LINGO3: variants seen among roughly 807,000 people sequenced by gnomAD.
The protein encoded by LINGO3 is leucine-rich repeat and immunoglobulin-like domain-containing nogo receptor-interacting protein 3.
For missense variants in LINGO3, 750 were observed against 867.7 expected, an observed-to-expected ratio of 0.86 and a Z score of 1.70; for synonymous variants, 427 against 444.2, an observed-to-expected ratio of 0.96 and a Z score of 0.49.
exon 1 of LINGO3, chr19:2,291,296 C>G (rs772516775): frequency 6.2e-7 from 1 of 1,612,690 alleles, no homozygotes; most frequent in Non-Finnish European, 8.5e-7. Context: ...AATACCAGGT[C>G]GTTGTCGCCC....
At chr19:2,295,697 C>T (rs181459942), upstream of LINGO3, among the ~76,000 whole-genome samples, 205 of 152,270 alleles carry the variant, frequency 1.3e-3, no homozygotes, top group Non-Finnish European at 2.5e-3. Context: ...GATTGTGCCA[C>T]TGCACTCCAG....
chr19:2,296,106 CTG>C (rs1291372538), upstream of LINGO3, among the ~76,000 whole-genome samples: 7 of 152,328 alleles, frequency 4.6e-5, no homozygotes, highest in Admixed American at 4.6e-4. Flanking sequence ...CCTCCCAGCA[CTG>C]TTTTTCTGGG....
the LINGO3 span, among the ~76,000 whole-genome samples, chr19:2,298,791 G>A: frequency 2.0e-4 from 31 of 152,104 alleles, no homozygotes; most frequent in African/African-American, 7.0e-4. Context: ...CGCCCACCTC[G>A]GCCTCTCAAA....
chr19:2,307,410 C>A, the LINGO3 span, among the ~76,000 whole-genome samples: 1 of 152,192 alleles, frequency 6.6e-6, no homozygotes, highest in South Asian at 2.1e-4. Flanking sequence ...TGCTGCTCCC[C>A]TAAACTTGTT....
exon 1 of LINGO3, chr19:2,289,791 G>C: frequency 1.9e-6 from 1 of 522,226 alleles, no homozygotes; most frequent in Non-Finnish European, 3.4e-6. Flanking sequence ...AAGACGGGTT[G>C]AAATCTTTAG....
upstream of LINGO3, chr19:2,292,100 A>T: frequency 2.8e-6 from 1 of 352,356 alleles, no homozygotes; most frequent in East Asian, 1.1e-4. Context: ...AGGCAGGAGG[A>T]TGGCTTGGGC....
chr19:2,292,443 T>C (rs117119458), upstream of LINGO3, among the ~76,000 whole-genome samples: 3,366 of 147,190 alleles, frequency 0.023, 50 homozygotes, highest in Middle Eastern at 0.089. Flanking sequence ...TGATCCACCG[T>C]GTGGCTGCAA....
At chr19:2,289,984 GC>G (rs2025501947) in exon 1 of LINGO3, 1 of 1,498,116 alleles carries the variant, frequency 6.7e-7, no homozygotes, top group Non-Finnish European at 8.9e-7. Flanking sequence ...GGGAGGGTCC[GC>G]CCTGGGGACC....
At chr19:2,296,030 G>A (rs527740035), upstream of LINGO3, among the ~76,000 whole-genome samples, 24 of 152,208 alleles carry the variant, frequency 1.6e-4, no homozygotes, top group African/African-American at 5.1e-4. Flanking sequence ...CCCCAACCCC[G>A]GAATCATCCT....
At chr19:2,291,308 C>A (rs745645019) in exon 1 of LINGO3, 1 of 1,612,720 alleles carries the variant, frequency 6.2e-7, no homozygotes, top group Admixed American at 1.7e-5. Context: ...TTGTCGCCCA[C>A]TTCCAGCCGG....
the LINGO3 span, among the ~76,000 whole-genome samples, chr19:2,303,290 G>A: frequency 2.0e-5 from 3 of 152,148 alleles, no homozygotes; most frequent in Non-Finnish European, 4.4e-5. Flanking sequence ...GGTGAGAATC[G>A]TGCAGCCCAG....
the LINGO3 span, among the ~76,000 whole-genome samples, chr19:2,302,068 T>G: frequency 5.7e-5 from 8 of 140,736 alleles, no homozygotes; most frequent in South Asian, 1.7e-3. Flanking sequence ...TAGTTTTTTT[T>G]TTTTTTTTTT....
chr19:2,293,520 C>T (rs2025545899), upstream of LINGO3, among the ~76,000 whole-genome samples: 1 of 151,732 alleles, frequency 6.6e-6, no homozygotes, highest in African/African-American at 2.4e-5. Context: ...CCACCATGCC[C>T]AGCTAATTTT....
chr19:2,300,023 C>CT, the LINGO3 span, among the ~76,000 whole-genome samples: 2,310 of 95,900 alleles, frequency 0.024, 178 homozygotes, highest in East Asian at 0.24. Flanking sequence ...TGCCTGGCCT[C>CT]TTTTTTTTTT....
At chr19:2,288,333 G>A (rs768149970), downstream of LINGO3, among the ~76,000 whole-genome samples, 44 of 152,322 alleles carry the variant, frequency 2.9e-4, 1 homozygote, top group Non-Finnish European at 4.7e-4. This position sits in a 1 kb window ranked among gnomAD's most constrained non-coding sequence, Gnocchi z 6.5. Context: ...ACACTGCACC[G>A]CACGTAGCCG....
chr19:2,304,684 G>A, the LINGO3 span, among the ~76,000 whole-genome samples: 2 of 151,648 alleles, frequency 1.3e-5, no homozygotes, highest in African/African-American at 4.9e-5. Flanking sequence ...TGCGCAGCAG[G>A]AGGGCCCAGC....
downstream of LINGO3, among the ~76,000 whole-genome samples, chr19:2,288,168 G>A (rs779664696): frequency 1.3e-5 from 2 of 152,212 alleles, no homozygotes; most frequent in Non-Finnish European, 2.9e-5. The surrounding 1 kb of genome is among the most constrained non-coding windows in gnomAD (Gnocchi z 6.5). Context: ...TCCTTGACCA[G>A]AGCTGCAGTC....
At chr19:2,301,329 G>A in the LINGO3 span, among the ~76,000 whole-genome samples, 1 of 151,208 alleles carries the variant, frequency 6.6e-6, no homozygotes, top group African/African-American at 2.4e-5. Flanking sequence ...TTATGTGGAT[G>A]ACTCTCTGTC....
chr19:2,295,493 G>A (rs761555713), upstream of LINGO3, among the ~76,000 whole-genome samples: 5 of 152,172 alleles, frequency 3.3e-5, no homozygotes, highest in South Asian at 2.1e-4. Flanking sequence ...CCAGCACTTC[G>A]GGAGGCTGAG....
Sources: allele counts gnomAD v4.1 joint callset (sites outside exome capture counted in the v4.1 genomes callset), GRCh38; gene constraint gnomAD v4.1.1; non-coding constraint Gnocchi (gnomAD v3.1); transcripts MANE v1.5; gene names NCBI Gene and HGNC (gene_info 2026-07-23, HGNC 2026-07-21).